SHISA9: variants seen among roughly 807,000 people sequenced by gnomAD.
The protein encoded by SHISA9 is protein shisa-9.
In SHISA9, 13 loss-of-function variants were observed where a neutral mutation model predicts 38.0. The observed-to-expected ratio is 0.34, with a 90% CI of 0.22 to 0.54. The LOEUF (loss-of-function observed/expected upper bound fraction) is 0.54. Among genes scored for constraint, SHISA9 ranks in the 20% least tolerant of loss-of-function variants. SHISA9 has a pLI of 0.91. For missense variants in SHISA9, 538 were observed against 575.8 expected (o/e 0.93, Z 0.67); for synonymous variants, 275 against 242.0 (o/e 1.14, Z -1.27).
the SHISA9 span, among the ~76,000 whole-genome samples, chr16:13,451,107 A>G: frequency 6.6e-6 from 1 of 152,112 alleles, no homozygotes; most frequent in African/African-American, 2.4e-5. Flanking sequence ...AACAGCCCTC[A>G]GTGATGGATG....
chr16:12,942,009 A>G (rs1264128417), intron 2 of SHISA9, among the ~76,000 whole-genome samples: 2 of 152,138 alleles, frequency 1.3e-5, no homozygotes, highest in Non-Finnish European at 2.9e-5. Context: ...TGGCTTTGTA[A>G]GGATAGGTTA....
At chr16:13,479,231 AC>A in the SHISA9 span, among the ~76,000 whole-genome samples, 1 of 152,152 alleles carries the variant, frequency 6.6e-6, no homozygotes, top group Non-Finnish European at 1.5e-5. Flanking sequence ...CCCTGTGATT[AC>A]TGTGAGCCCT....
chr16:13,295,625 C>CG, the SHISA9 span, among the ~76,000 whole-genome samples: 783 of 152,158 alleles, frequency 5.1e-3, 7 homozygotes, highest in Non-Finnish European at 9.7e-3. Context: ...CTTTTCACCT[C>CG]GGGGGGTTCA....
chr16:13,263,713 CTG>C, the SHISA9 span, among the ~76,000 whole-genome samples: 1 of 152,164 alleles, frequency 6.6e-6, no homozygotes, highest in Non-Finnish European at 1.5e-5. Flanking sequence ...TCCTACATGA[CTG>C]TGTATAAAAT....
chr16:13,059,036 C>T (rs1239460876), intron 2 of SHISA9, among the ~76,000 whole-genome samples: 5 of 151,864 alleles, frequency 3.3e-5, no homozygotes, highest in Admixed American at 2.0e-4. Context: ...TGTGTTCCCC[C>T]AACTCCTATG....
At chr16:13,444,757 T>C in the SHISA9 span, among the ~76,000 whole-genome samples, 18 of 146,780 alleles carry the variant, frequency 1.2e-4, no homozygotes, top group African/African-American at 4.3e-4. Context: ...GACTCCCAGA[T>C]CTGGAAAAAG....
At chr16:13,038,038 T>C (rs2073094636) in intron 2 of SHISA9, among the ~76,000 whole-genome samples, 1 of 152,216 alleles carries the variant, frequency 6.6e-6, no homozygotes, top group Non-Finnish European at 1.5e-5. Flanking sequence ...TCACCCAGGC[T>C]GGCGTACAGT....
intron 2 of SHISA9, among the ~76,000 whole-genome samples, chr16:12,946,221 C>G (rs567592964): frequency 7.2e-5 from 11 of 152,258 alleles, no homozygotes; most frequent in South Asian, 6.2e-4. Context: ...GGTACCAGTA[C>G]CATGCTGTTT....
At chr16:13,260,112 G>A in the SHISA9 span, among the ~76,000 whole-genome samples, 1 of 138,982 alleles carries the variant, frequency 7.2e-6, no homozygotes, top group Non-Finnish European at 1.5e-5. Context: ...CACCTCCTGG[G>A]TTCATGCCAT....
chr16:13,402,179 A>C, the SHISA9 span, among the ~76,000 whole-genome samples: 7 of 152,180 alleles, frequency 4.6e-5, no homozygotes, highest in African/African-American at 1.7e-4. Context: ...GGCTCACGTG[A>C]TTATGGAGTT....
the SHISA9 span, among the ~76,000 whole-genome samples, chr16:13,453,926 T>C: frequency 6.6e-6 from 1 of 152,170 alleles, no homozygotes; most frequent in African/African-American, 2.4e-5. Flanking sequence ...CGATCTATGT[T>C]ATAATACCCT....
the SHISA9 span, among the ~76,000 whole-genome samples, chr16:13,443,963 C>T: frequency 3.9e-5 from 6 of 152,304 alleles, no homozygotes; most frequent in African/African-American, 1.4e-4. Flanking sequence ...CTTGGCCTGG[C>T]AAGGCAATAA....
At chr16:12,964,121 G>A (rs1366958006) in intron 2 of SHISA9, among the ~76,000 whole-genome samples, 2 of 152,204 alleles carry the variant, frequency 1.3e-5, no homozygotes. Flanking sequence ...TTCTGAATAT[G>A]TTAAGAATCA....
the SHISA9 span, among the ~76,000 whole-genome samples, chr16:13,460,093 C>G: frequency 6.6e-6 from 1 of 152,066 alleles, no homozygotes; most frequent in Non-Finnish European, 1.5e-5. Context: ...TTAGTATTAT[C>G]CCTAAACATA....
the SHISA9 span, among the ~76,000 whole-genome samples, chr16:13,472,522 G>A: frequency 6.7e-6 from 1 of 150,164 alleles, no homozygotes; most frequent in Admixed American, 6.7e-5. Flanking sequence ...CTTCCCAGCA[G>A]CTGGGACTAC....
At chr16:13,552,682 G>T in the SHISA9 span, among the ~76,000 whole-genome samples, 1 of 152,152 alleles carries the variant, frequency 6.6e-6, no homozygotes, top group Non-Finnish European at 1.5e-5. Context: ...GGCCCAGGGG[G>T]TGGTGGAGCC....
At chr16:13,560,818 G>T in the SHISA9 span, among the ~76,000 whole-genome samples, 1 of 150,304 alleles carries the variant, frequency 6.7e-6, no homozygotes, top group African/African-American at 2.4e-5. Flanking sequence ...GTCAGTCCCA[G>T]AACAAAAACA....
At chr16:13,471,138 T>A in the SHISA9 span, among the ~76,000 whole-genome samples, 2 of 151,942 alleles carry the variant, frequency 1.3e-5, no homozygotes, top group Non-Finnish European at 1.5e-5. Flanking sequence ...GACTCACATA[T>A]CTTATTGTTT....
At chr16:13,330,904 T>C in the SHISA9 span, among the ~76,000 whole-genome samples, 1 of 152,154 alleles carries the variant, frequency 6.6e-6, no homozygotes, top group Admixed American at 6.5e-5. Context: ...TGTACAGGTG[T>C]ACAGTGTGTA....
Sources: gnomAD v4.1 joint callset for allele counts (sites outside exome capture counted in the v4.1 genomes callset) on GRCh38, gnomAD v4.1.1 for gene constraint, MANE v1.5 for transcripts, NCBI Gene and HGNC (gene_info 2026-07-23, HGNC 2026-07-21) for gene names.